Variants in HRH1 observed in about 807,000 individuals in gnomAD.
The protein encoded by HRH1 is histamine receptor H1.
A neutral mutation model predicts 10.3 loss-of-function variants in HRH1; 6 were observed. The ratio of observed to expected loss-of-function variants is 0.58; its 90% CI spans 0.32 to 1.15. HRH1 has a LOEUF of 1.15. Among genes scored for constraint, HRH1 ranks in the 50% most tolerant of loss-of-function variants. HRH1 has a pLI of 0.05. For synonymous variants in HRH1, 242 were observed against 236.7 expected (o/e 1.02, Z -0.21); for missense variants, 514 against 615.3 (o/e 0.84, Z 1.74).
At position 11,198,887 on chromosome 3, in the gene HRH1, ACT is replaced by A. The variant is rs1294280714; in HGVS notation, c.-36+44344_-36+44345del. Among the ~76,000 whole-genome samples the A allele has an allele frequency of 1.2e-4, 17 of 147,068 alleles. No individual in the cohort carries two copies. The South Asian group carries it at 3.3e-3, about 28-fold the overall frequency. ...CCCCACACCACCCTGTGTATTGTAA[ACT>A]CTCTCTCTCTTTATACACACACACA... is the stretch of plus-strand genomic sequence containing the variant. On this transcript the variant is annotated intron_variant, in intron 1 of 1. Coordinates refer to ENST00000431010, the MANE Select transcript of HRH1 (RefSeq NM_001098212.2).
chr3:11,232,876 T>C (rs946582911), intron 1 of HRH1, among the ~76,000 whole-genome samples: 4 of 152,252 alleles, frequency 2.6e-5, no homozygotes, highest in African/African-American at 9.6e-5. Flanking sequence ...TTATTCCTTA[T>C]AGATATTTTC....
upstream of HRH1, among the ~76,000 whole-genome samples, chr3:11,149,970 T>C (rs1936565178): frequency 6.6e-6 from 1 of 152,232 alleles, no homozygotes; most frequent in Admixed American, 6.5e-5. Flanking sequence ...TGCAGTGCTC[T>C]GCAGCTGTGG....
chr3:11,209,047 G>A (rs1938233961), intron 1 of HRH1, among the ~76,000 whole-genome samples: 2 of 152,134 alleles, frequency 1.3e-5, no homozygotes, highest in African/African-American at 4.8e-5. Context: ...AATCTAAACA[G>A]CCCAATCAAG....
At chr3:11,145,010 A>G (rs1936403692) in intron 1 of HRH1, among the ~76,000 whole-genome samples, 1 of 152,168 alleles carries the variant, frequency 6.6e-6, no homozygotes, top group Admixed American at 6.5e-5. Flanking sequence ...ACTGCTGGTT[A>G]CCAAAGTCTT....
upstream of HRH1, among the ~76,000 whole-genome samples, chr3:11,152,978 A>G (rs1057198139): frequency 2.6e-5 from 4 of 152,094 alleles, no homozygotes; most frequent in East Asian, 7.7e-4. Context: ...TGGGCATCAC[A>G]AAGTCCTTTA....
intron 1 of HRH1, among the ~76,000 whole-genome samples, chr3:11,216,879 C>CA (rs1330028618): frequency 7.3e-4 from 100 of 136,440 alleles, no homozygotes; most frequent in Middle Eastern, 9.3e-3. Context: ...GATTCTGTCT[C>CA]AAAAAAAAAA....
intron 1 of HRH1, among the ~76,000 whole-genome samples, chr3:11,218,356 G>A (rs1938584509): frequency 6.6e-6 from 1 of 151,168 alleles, no homozygotes; most frequent in Non-Finnish European, 1.5e-5. Flanking sequence ...GCTGAGGCAG[G>A]AGAATAGCTT....
intron 1 of HRH1, among the ~76,000 whole-genome samples, chr3:11,178,366 G>T (rs1007989758): frequency 5.9e-5 from 9 of 152,194 alleles, no homozygotes; most frequent in Non-Finnish European, 1.3e-4. Context: ...GACAAATGTG[G>T]TTTCAAATCC....
chr3:11,192,204 T>C (rs2125021890), intron 1 of HRH1, among the ~76,000 whole-genome samples: 1 of 152,348 alleles, frequency 6.6e-6, no homozygotes, highest in South Asian at 2.1e-4. Flanking sequence ...TTTCACCAAC[T>C]GAACACACCT....
At position 11,176,455 on chromosome 3, in the gene HRH1, T is replaced by G. The variant is rs200573746; in HGVS notation, c.-36+21901T>G. ...CACCCCGCCCCATTGTGCACTGTTC[T>G]CCTAGGCTAACGTGGGGTGGGGTGG... On this transcript the variant is annotated intron_variant, in intron 1 of 1. Transcript: ENST00000431010. Among the ~76,000 whole-genome samples the G allele has an allele frequency of 8.3e-4, 127 of 152,218 alleles. 2 individuals are homozygous for G. The East Asian group carries it at 0.013, about 16-fold the overall frequency.
At chr3:11,253,998 G>GT (rs1235174551) in intron 1 of HRH1, among the ~76,000 whole-genome samples, 7 of 152,066 alleles carry the variant, frequency 4.6e-5, no homozygotes, top group Admixed American at 2.6e-4. Context: ...CAAAACAGCA[G>GT]TTTTTTATCA....
At chr3:11,248,656 A>AG (rs1559285120) in intron 1 of HRH1, among the ~76,000 whole-genome samples, 1 of 152,200 alleles carries the variant, frequency 6.6e-6, no homozygotes, top group Non-Finnish European at 1.5e-5. Context: ...GTTTCACTGC[A>AG]CCCTGTTAGG....
At chr3:11,243,471 G>T (rs1354509522) in intron 1 of HRH1, among the ~76,000 whole-genome samples, 1 of 152,236 alleles carries the variant, frequency 6.6e-6, no homozygotes, top group Non-Finnish European at 1.5e-5. Flanking sequence ...TGATAAAAGA[G>T]GAGCATGTTA....
rs199642041 is a variant in HRH1, at chr3:11,260,651, G to A, written c.*150G>A. The stretch of plus-strand genomic sequence containing the variant: ...GGCTTGGTAGTTTGGAAAGTTCTTA[G>A]GCACCATAGAAGAACAGCAGATGGC... On this transcript the variant is annotated 3_prime_UTR_variant, in exon 2 of 2. Coordinates refer to ENST00000431010, the MANE Select transcript of HRH1 (RefSeq NM_001098212.2). The A allele has an allele frequency of 2.1e-5, 15 of 702,852 alleles. No individual in the cohort carries two copies. The highest frequency in any genetic ancestry group is 3.7e-4 in the Middle Eastern group (1 of 2,686). 43.5% of individuals were successfully genotyped at this position (702,852 alleles called of 1,614,324 possible).
chr3:11,205,859 A>G (rs1430093156), intron 1 of HRH1, among the ~76,000 whole-genome samples: 1 of 151,832 alleles, frequency 6.6e-6, no homozygotes, highest in East Asian at 1.9e-4. Context: ...ATGGGGTTTC[A>G]CCATATTGGC....
intron 1 of HRH1, among the ~76,000 whole-genome samples, chr3:11,208,751 G>A (rs959367638): frequency 6.6e-6 from 1 of 152,114 alleles, no homozygotes; most frequent in Non-Finnish European, 1.5e-5. Flanking sequence ...ATACCATCCC[G>A]GTGTTCTTGT....
intron 1 of HRH1, among the ~76,000 whole-genome samples, chr3:11,145,334 G>A (rs1381874772): frequency 1.3e-5 from 2 of 152,106 alleles, no homozygotes; most frequent in Non-Finnish European, 2.9e-5. Context: ...CTTGCATGCT[G>A]TTTCCTTGAG....
At chr3:11,143,363 T>C (rs1936333039) in intron 1 of HRH1, among the ~76,000 whole-genome samples, 1 of 152,150 alleles carries the variant, frequency 6.6e-6, no homozygotes, top group African/African-American at 2.4e-5. Flanking sequence ...AGAAGGCTTG[T>C]ATGACTTGGG....
At chr3:11,205,666 C>CT (rs1334327486) in intron 1 of HRH1, among the ~76,000 whole-genome samples, 4,778 of 141,384 alleles carry the variant, frequency 0.034, 228 homozygotes, top group African/African-American at 0.1. Context: ...CACAGGTTTT[C>CT]TTTTTTTTTT....
Sources: allele counts gnomAD v4.1 joint callset (sites outside exome capture counted in the v4.1 genomes callset), GRCh38; gene constraint gnomAD v4.1.1; transcripts MANE v1.5; gene names NCBI Gene and HGNC (gene_info 2026-07-23, HGNC 2026-07-21).